The following PNLIPRP3 variants were observed in gnomAD, a reference collection of about 807,000 sequenced individuals.
PNLIPRP3 encodes the protein pancreatic lipase related protein 3, also known as pancreatic lipase-related protein 3.
PNLIPRP3 carries 58 observed loss-of-function variants against 52.8 expected under a neutral mutation model. That is an observed-to-expected ratio of 1.10 (90% CI 0.89 to 1.37). The LOEUF is 1.37. Among genes scored for constraint, PNLIPRP3 ranks in the 40% most tolerant of loss-of-function variants. The probability of loss-of-function intolerance (pLI) is 0.00; values close to 1 mark genes in which losing one functional copy is unlikely to be tolerated. For missense variants in PNLIPRP3, 593 were observed against 561.6 expected (o/e 1.06, Z -0.57); for synonymous variants, 192 against 185.0 (o/e 1.04, Z -0.31).
chr10:116,469,176 T>G lies in PNLIPRP3; in HGVS notation c.928-9T>G. ...ACATAAGTAATCACCTTTCATTTTC[T>G]GTCATCAGGGAAATTGCTTCTTTTG... On this transcript the variant is annotated splice_polypyrimidine_tract_variant and intron_variant, in intron 8 of 11. Transcript: ENST00000369230. 1.2e-6 allele frequency: 2 copies of G among 1,609,212 alleles called. No homozygotes were observed. The highest frequency in any genetic ancestry group is 2.7e-5 in the African/African-American group (2 of 74,788).
At chr10:116,475,563 G>C (rs542393178) in intron 10 of PNLIPRP3, among the ~76,000 whole-genome samples, 1 of 152,300 alleles carries the variant, frequency 6.6e-6, no homozygotes, top group South Asian at 2.1e-4. Flanking sequence ...TGGAAGAACA[G>C]TTTCCTCTGG....
intron 2 of PNLIPRP3, among the ~76,000 whole-genome samples, chr10:116,437,969 C>T (rs947762991): frequency 6.6e-6 from 1 of 152,014 alleles, no homozygotes; most frequent in African/African-American, 2.4e-5. Context: ...GGGAAACAGC[C>T]TGAACTGCAG....
In PNLIPRP3 at chr10:116,450,428, TA is replaced by T. The variant is rs367952463; in HGVS notation, c.457-5291del. ...TAGATAAAGGAGAATAAACTTATTC[TA>T]AAGTTAGCAGAAGAAGGGAAATAAT... is the stretch of plus-strand genomic sequence containing the variant. On this transcript the variant is annotated intron_variant, in intron 4 of 11. Transcript: ENST00000369230. Among the ~76,000 whole-genome samples, 17 of 152,208 alleles carry T rather than the reference TA, an allele frequency of 1.1e-4. No homozygotes were observed. The East Asian group carries it at 1.2e-3, about 10-fold the overall frequency.
chr10:116,461,485 C>T (rs934954430), intron 7 of PNLIPRP3, among the ~76,000 whole-genome samples, 195 bp downstream of exon 7: 8 of 152,144 alleles, frequency 5.3e-5, no homozygotes, highest in African/African-American at 1.9e-4. Flanking sequence ...AACTTTGTAT[C>T]CCTGGTGCCT....
intron 5 of PNLIPRP3, among the ~76,000 whole-genome samples, chr10:116,458,404 A>G (rs1209107449): frequency 6.6e-6 from 1 of 151,854 alleles, no homozygotes; most frequent in Non-Finnish European, 1.5e-5. Flanking sequence ...ATATCCTAGA[A>G]CAACAAATTC....
intron 1 of PNLIPRP3, among the ~76,000 whole-genome samples, chr10:116,429,946 T>C (rs1845686000): frequency 6.6e-6 from 1 of 152,148 alleles, no homozygotes; most frequent in South Asian, 2.1e-4. Context: ...GTCAGCATCC[T>C]AGAAGTCAAT....
intron 1 of PNLIPRP3, among the ~76,000 whole-genome samples, chr10:116,429,232 T>G (rs1329808805): frequency 6.6e-6 from 1 of 152,184 alleles, no homozygotes; most frequent in Non-Finnish European, 1.5e-5. Flanking sequence ...CTTTAGCCTA[T>G]GTGTATAAGG....
At chr10:116,450,492 A>T (rs1169899255) in intron 4 of PNLIPRP3, among the ~76,000 whole-genome samples, 1 of 152,210 alleles carries the variant, frequency 6.6e-6, no homozygotes, top group Non-Finnish European at 1.5e-5. Flanking sequence ...AGTGAATACA[A>T]AAACAATATT....
In PNLIPRP3 at chr10:116,427,889, A is replaced by G. The variant is rs1430955347; in HGVS notation, c.-124A>G. 6.8e-6 allele frequency: 5 copies of G among 739,148 alleles called. No homozygotes were observed. Among genetic ancestry groups the G allele is most frequent in the Non-Finnish European group, 1.2e-5 (5 of 417,078 alleles). The allele number at this position is 739,148 out of a possible 1,614,324, so 45.8% of individuals were successfully genotyped here. On this transcript the variant is annotated 5_prime_UTR_variant, in exon 1 of 12. It removes the in-frame stop codon of an upstream open reading frame in the 5' UTR. Transcript: ENST00000369230. Reference sequence around the variant, plus strand: ...TAAGGTGGAATAACATGTTCTTTTAAACGTAGAGTTTAAACATTGAGTTGC... The same window carrying G: ...TAAGGTGGAATAACATGTTCTTTTAGACGTAGAGTTTAAACATTGAGTTGC...
chr10:116,472,375 CTTT>C (rs937774132), intron 10 of PNLIPRP3, among the ~76,000 whole-genome samples: 6 of 152,154 alleles, frequency 3.9e-5, no homozygotes, highest in African/African-American at 1.2e-4. Context: ...CTAAACCCTC[CTTT>C]TATCTTGAAA....
intron 7 of PNLIPRP3, among the ~76,000 whole-genome samples, chr10:116,462,575 A>G (rs2133146380): frequency 6.6e-6 from 1 of 152,262 alleles, no homozygotes; most frequent in Middle Eastern, 3.4e-3. Context: ...TGTAATGACT[A>G]TATTTTAAAA....
rs774943682 is a variant in PNLIPRP3 at position 116,466,030 on chromosome 10, A to T, written c.809-20A>T. The T allele has an allele frequency of 1.3e-6, 2 of 1,528,964 alleles. No homozygotes were observed. Among genetic ancestry groups the T allele is most frequent in the South Asian group, 2.2e-5 (2 of 89,254 alleles). 94.7% of individuals were successfully genotyped at this position (1,528,964 alleles called of 1,614,324 possible). A position where few individuals can be genotyped will look rare whatever the true frequency, so the allele number is the denominator to read the frequency against. On this transcript the variant is annotated intron_variant, in intron 7 of 11. Coordinates refer to ENST00000369230, the MANE Select transcript of PNLIPRP3 (RefSeq NM_001011709.3). ...GTTATCAGTTAATTGCTATCAGTTA[A>T]TTGGGAATTGTTTTCACAGAAATGG...
intron 4 of PNLIPRP3, among the ~76,000 whole-genome samples, chr10:116,449,185 C>G (rs978743986): frequency 6.6e-6 from 1 of 152,140 alleles, no homozygotes. Flanking sequence ...ACTGGCAGAG[C>G]AAGACCCTGT....
At chr10:116,446,143 G>A (rs553976958) in intron 4 of PNLIPRP3, among the ~76,000 whole-genome samples, 3 of 152,108 alleles carry the variant, frequency 2.0e-5, no homozygotes, top group South Asian at 2.1e-4. Context: ...TCAGGAGATC[G>A]AGACCATCCT....
chr10:116,462,724 GA>G (rs1846211376), intron 7 of PNLIPRP3, among the ~76,000 whole-genome samples: 2 of 152,158 alleles, frequency 1.3e-5, no homozygotes, highest in African/African-American at 4.8e-5. Context: ...TTACGACTAT[GA>G]ATCCTTTCTA....
At chr10:116,449,623 C>T (rs553494737) in intron 4 of PNLIPRP3, among the ~76,000 whole-genome samples, 3 of 152,186 alleles carry the variant, frequency 2.0e-5, no homozygotes, top group African/African-American at 4.8e-5. Flanking sequence ...GAGAAATACA[C>T]AGCAGTGAAA....
At chr10:116,432,546 T>A (rs950243899) in intron 1 of PNLIPRP3, among the ~76,000 whole-genome samples, 1 of 152,006 alleles carries the variant, frequency 6.6e-6, no homozygotes, top group African/African-American at 2.4e-5. Context: ...TAGAAGTGAA[T>A]CATACAAACA....
chr10:116,466,019 G>T, intron 7 of PNLIPRP3, 31 bp from the exon 8 acceptor site: 3 of 1,445,578 alleles, frequency 2.1e-6, no homozygotes, highest in Non-Finnish European at 1.9e-6. Context: ...TCAGTTAATT[G>T]CTATCAGTTA....
At chr10:116,454,293 A>G (rs1005396981) in intron 4 of PNLIPRP3, among the ~76,000 whole-genome samples, 2 of 151,558 alleles carry the variant, frequency 1.3e-5, no homozygotes, top group South Asian at 4.2e-4. Flanking sequence ...TAATTTTTCT[A>G]TTTTTTTAGT....
Sources: allele counts gnomAD v4.1 joint callset (sites outside exome capture counted in the v4.1 genomes callset), GRCh38; gene constraint gnomAD v4.1.1; transcripts MANE v1.5; gene names NCBI Gene and HGNC (gene_info 2026-07-23, HGNC 2026-07-21).